IFT122: variants seen among roughly 807,000 people sequenced by gnomAD.
The protein encoded by IFT122 is intraflagellar transport protein 122 homolog.
In IFT122, 118 loss-of-function variants were observed where a neutral mutation model predicts 161.6. The observed-to-expected ratio is 0.73, with a 90% confidence interval of 0.63 to 0.85. IFT122 has a LOEUF of 0.85. IFT122 is among the 40% of genes least tolerant of loss of function. IFT122 has a pLI of 0.00. For synonymous variants in IFT122, 550 were observed against 602.4 expected, an observed-to-expected ratio of 0.91 and a Z score of 1.27; for missense variants, 1,381 against 1,579.6, an observed-to-expected ratio of 0.87 and a Z score of 2.13.
chr3:129,492,061 T>A, intron 16 of IFT122, 80 bp from the exon 17 acceptor site: 1 of 1,054,098 alleles, frequency 9.5e-7, no homozygotes, highest in Non-Finnish European at 1.5e-6. Flanking sequence ...TAGATAGAGC[T>A]TGACTTCCCA....
chr3:129,465,356 G>A (rs977109050), intron 7 of IFT122, among the ~76,000 whole-genome samples: 5 of 151,526 alleles, frequency 3.3e-5, no homozygotes, highest in Admixed American at 1.3e-4. Flanking sequence ...GTCTACAGAC[G>A]TCCCTAAAGC....
At chr3:129,516,892 C>CTAGAAAAAATAAGAACATTTATGTCATTT in intron 26 of IFT122, among the ~76,000 whole-genome samples, 1 of 141,700 alleles carries the variant, frequency 7.1e-6, no homozygotes, top group Non-Finnish European at 1.5e-5. Context: ...ACCGCTCCTG[C>CTAGAAAAAATAAGAACATTTATGTCATTT]ACACAGACAC....
chr3:129,479,883 T>C lies in IFT122; in HGVS notation c.1449T>C (p.Pro483=). 1 of 1,614,044 alleles carries C rather than the reference T, an allele frequency of 6.2e-7. No homozygotes were observed. The highest frequency in any genetic ancestry group is 8.5e-7 in the Non-Finnish European group (1 of 1,180,012). The part of the protein sequence containing the change: ...IRYIKVIGGP[P]GREGLLVGLK... ...ACATCAAGGTGATCGGTGGCCCTCC[T>C]GGAAGAGAAGGCCTCTTAGTGGGGC... Residue 483 remains proline, a synonymous_variant, in exon 13 of 30, where the codon CCT becomes CCC. Transcript: ENST00000348417.
Position 129,481,660 on chromosome 3 carries a change from T to G in IFT122, c.1619T>G (p.Val540Gly). 4 of 1,614,122 alleles carry G rather than the reference T, an allele frequency of 2.5e-6. No individual in the cohort carries two copies. Among genetic ancestry groups the G allele is most frequent in the Non-Finnish European group, 3.4e-6 (4 of 1,179,962 alleles). The change falls in exon 14 of 30, where the codon GTG becomes GGG. Residue 540 changes from valine (V) to glycine (G), a missense_variant. Physicochemically the swap from Val to Gly is moderately radical, Grantham distance 109. Transcript: ENST00000348417. ...AVVDENDTCL[V>G]YDIDTKELLF... ...GTAGATGAAAATGACACTTGCCTGGTGTATGACATCGACACCAAGGAGCTG... is the reference window on the plus strand; with the variant it reads ...GTAGATGAAAATGACACTTGCCTGGGGTATGACATCGACACCAAGGAGCTG...
At chr3:129,450,714 T>G (rs1326953805) in intron 2 of IFT122, among the ~76,000 whole-genome samples, 7 of 103,234 alleles carry the variant, frequency 6.8e-5, no homozygotes, top group South Asian at 3.8e-4. Context: ...TGTGTGTGTG[T>G]TTTTTTTTTT....
In IFT122 at chr3:129,490,365, C is replaced by T. The variant is rs536754083; in HGVS notation, c.1993-1776C>T. Among the ~76,000 whole-genome samples the T allele has an allele frequency of 6.6e-5, 10 of 152,260 alleles. No individual in the cohort carries two copies. The South Asian group carries it at 1.2e-3, about 19-fold the overall frequency. ...GTGGTTCCTAGAGATGGACAGCCAT[C>T]CCCACTAGATGGCAGAGAAGAGCTG... On this transcript the variant is annotated intron_variant, in intron 16 of 29. Coordinates refer to ENST00000348417, the MANE Select transcript of IFT122 (RefSeq NM_052989.3).
Position 129,498,129 on chromosome 3 carries a change from G to C in IFT122, c.2209-1773G>C, listed in dbSNP as rs547993293. 1.8e-3 allele frequency among the ~76,000 whole-genome samples: 278 copies of C among 152,274 alleles called. 1 individual carries two copies. The highest frequency in any genetic ancestry group is 6.4e-3 in the African/African-American group (264 of 41,544). On this transcript the variant is annotated intron_variant, in intron 18 of 29. Transcript: ENST00000348417. ...TAACTTAGCTTCAGGAAAGCAAAAA[G>C]CCTTTGAATTTCCAGTTTGCTGAGC...
Position 129,476,759 on chromosome 3 carries a change from A to G in IFT122, c.1105A>G (p.Met369Val). Residue 369 changes from methionine (M) to valine (V), a missense_variant, in exon 11 of 30, where the codon ATG becomes GTG. By Grantham distance (21) the Met-to-Val change is conservative. Around this residue, in one of 7 missense-constraint regions of IFT122, gnomAD observed 544 missense variants for 648.0 expected, o/e 0.84. Coordinates refer to ENST00000348417, the MANE Select transcript of IFT122 (RefSeq NM_052989.3). ...GGACCGCTATGCCTACAGGGATAGC[A>G]TGACTGACGTCATTGTGCAGCACCT... ...YKDRYAYRDS[M>V]TDVIVQHLIT... 6.2e-7 allele frequency: 1 copy of G among 1,614,218 alleles called. No homozygotes were observed. Among genetic ancestry groups the G allele is most frequent in the Non-Finnish European group, 8.5e-7 (1 of 1,180,042 alleles).
intron 3 of IFT122, among the ~76,000 whole-genome samples, chr3:129,453,443 G>A (rs1051113881): frequency 3.9e-5 from 6 of 152,146 alleles, no homozygotes; most frequent in Non-Finnish European, 8.8e-5. Flanking sequence ...GAGATCCCCG[G>A]TGACATGAAG....
rs557828344 is a variant in IFT122, at chr3:129,488,524, C to T, written c.1992+127C>T. The T allele has an allele frequency of 2.5e-3, 3,028 of 1,227,356 alleles. 52 individuals carry two copies. In the African/African-American group the frequency reaches 0.037, roughly 15 times the overall value. The allele number at this position is 1,227,356 out of a possible 1,614,324, so 76.0% of individuals were successfully genotyped here. ...GTCTCTGGAGTTAGGCTGACCTGGG[C>T]TTGTATCTTAGCCACTTCCTCACTG... On this transcript the variant is annotated intron_variant, in intron 16 of 29. Coordinates refer to ENST00000348417, the MANE Select transcript of IFT122 (RefSeq NM_052989.3).
In IFT122 at chr3:129,467,066, T is replaced by C. The variant is rs1220935209; in HGVS notation, c.740T>C (p.Leu247Ser). ...GACGACAGTCCCAGGGACGACAACT[T>C]GTGAGTGTGTCCCAGTGAGTGGGAA... is the stretch of plus-strand genomic sequence containing the variant. Reference protein sequence around the residue: ...EEDDSPRDDNLEERNDILAVA... With the variant: ...EEDDSPRDDNSEERNDILAVA... The change falls in exon 8 of 30, where the codon TTA becomes TCA. Residue 247 changes from leucine to serine, a missense_variant and splice_region_variant. Physicochemically the swap from Leu to Ser is moderately radical, Grantham distance 145. Around this residue, in one of 7 missense-constraint regions of IFT122, gnomAD observed 544 missense variants for 648.0 expected, o/e 0.84. Transcript: ENST00000348417. The C allele has an allele frequency of 2.5e-6, 4 of 1,613,064 alleles. No homozygotes were observed. The highest frequency in any genetic ancestry group is 3.4e-6 in the Non-Finnish European group (4 of 1,179,764).
intron 24 of IFT122, chr3:129,513,511 C>T (rs3774783): frequency 0.074 from 11,368 of 152,650 alleles, 1,137 homozygotes; most frequent in East Asian, 0.41. Flanking sequence ...CGTCTTTCCC[C>T]GTAGGAGCAG....
chr3:129,519,566 A>T lies in IFT122; in HGVS notation c.3472-2A>T. The T allele has an allele frequency of 6.2e-7, 1 of 1,613,264 alleles. No homozygotes were observed. Among genetic ancestry groups the T allele is most frequent in the Non-Finnish European group, 8.5e-7 (1 of 1,179,998 alleles). On this transcript the variant is annotated splice_acceptor_variant, in intron 28 of 29. Transcript: ENST00000348417. LOFTEE classifies it high-confidence loss of function. ...TGTGCCTCCTTCCCGCCCACCCTGC[A>T]GCAAGGTGGCTCAGAGTTCGTGCCA...
intron 5 of IFT122, among the ~76,000 whole-genome samples, chr3:129,462,856 G>T (rs186217475): frequency 6.6e-6 from 1 of 152,204 alleles, no homozygotes; most frequent in Admixed American, 6.5e-5. Context: ...TGTGCCATGG[G>T]AGAGGCACAG....
chr3:129,519,036 G>T, intron 27 of IFT122, 71 bp from the exon 28 acceptor site: 1 of 1,306,998 alleles, frequency 7.7e-7, no homozygotes, highest in Admixed American at 1.7e-5. Context: ...CTTCTCACAG[G>T]GGTGTAGGGT....
At chr3:129,504,222 CAA>C (rs2081951242) in intron 20 of IFT122, 95 bp from the exon 21 acceptor site, 1 of 1,059,860 alleles carries the variant, frequency 9.4e-7, no homozygotes, top group Non-Finnish European at 1.5e-6. Context: ...GTCAGGCTGG[CAA>C]AATATGATGT....
At position 129,458,606 on chromosome 3, in the gene IFT122, C is replaced by T; in HGVS notation, c.201C>T (p.Arg67=). The change falls in exon 4 of 30, where the codon CGC becomes CGT. Residue 67 remains arginine, a synonymous_variant. Transcript: ENST00000348417. ...YCVAYAKDGK[R]FASGSADKSV... ...TTTTACAAACACTTTTAGGCAAGCG[C>T]TTTGCTTCTGGATCAGCTGACAAAA... 1 of 1,613,908 alleles carries T rather than the reference C, an allele frequency of 6.2e-7. No individual in the cohort carries two copies. The highest frequency in any genetic ancestry group is 1.1e-5 in the South Asian group (1 of 91,082).
At chr3:129,448,702 T>A (rs1024193670) in intron 1 of IFT122, among the ~76,000 whole-genome samples, 59 of 151,854 alleles carry the variant, frequency 3.9e-4, no homozygotes, top group East Asian at 2.1e-3. Flanking sequence ...TATTTATTTT[T>A]TTTTTTTGAG....
At chr3:129,466,443 C>T in intron 7 of IFT122, among the ~76,000 whole-genome samples, 1 of 150,406 alleles carries the variant, frequency 6.6e-6, no homozygotes, top group Non-Finnish European at 1.5e-5. Context: ...TACCTGGTGG[C>T]TGTCCTCCTC....
Sources: allele counts gnomAD v4.1 joint callset (sites outside exome capture counted in the v4.1 genomes callset), GRCh38; gene constraint gnomAD v4.1.1; regional missense constraint gnomAD v4.1.1; transcripts MANE v1.5; gene names NCBI Gene and HGNC (gene_info 2026-07-23, HGNC 2026-07-21).